ARHGEF6: variants seen among roughly 807,000 people sequenced by gnomAD.
The protein encoded by ARHGEF6 is rho guanine nucleotide exchange factor 6.
A neutral mutation model predicts 70.3 loss-of-function variants in ARHGEF6; 9 were observed. The ratio of observed to expected loss-of-function variants is 0.13; its 90% CI spans 0.08 to 0.22. The LOEUF (loss-of-function observed/expected upper bound fraction) is 0.22. Ranked by LOEUF, ARHGEF6 falls within the 10% of genes least tolerant of loss-of-function variation. The probability of loss-of-function intolerance (pLI) is 1.00; values close to 1 mark genes in which losing one functional copy is unlikely to be tolerated. For missense variants in ARHGEF6, 470 were observed against 563.0 expected, an observed-to-expected ratio of 0.83 and a Z score of 1.67; for synonymous variants, 201 against 207.8, an observed-to-expected ratio of 0.97 and a Z score of 0.28.
chrX:136,742,558 A>G (rs2077054939), intron 5 of ARHGEF6, among the ~76,000 whole-genome samples: 1 of 112,042 alleles, frequency 8.9e-6, no homozygotes, highest in African/African-American at 3.2e-5. Context: ...ATGCTGTTTT[A>G]TGTGTATTGT....
At chrX:136,765,480 G>T (rs995338759) in intron 2 of ARHGEF6, among the ~76,000 whole-genome samples, 2 of 112,027 alleles carry the variant, frequency 1.8e-5, no homozygotes, top group Non-Finnish European at 1.9e-5. Flanking sequence ...GAGGCAGACT[G>T]TAGGTAAATA....
intron 6 of ARHGEF6, among the ~76,000 whole-genome samples, chrX:136,721,780 G>C (rs2076800482): frequency 9.0e-6 from 1 of 111,269 alleles, no homozygotes; most frequent in Non-Finnish European, 1.9e-5. Flanking sequence ...GGCTGGGGAA[G>C]TTGGGGGAGC....
intron 17 of ARHGEF6, 41 bp from the exon 18 acceptor site, chrX:136,676,758 T>C: frequency 3.0e-6 from 3 of 992,685 alleles, no homozygotes; most frequent in Non-Finnish European, 2.9e-6. Context: ...AAATTCTCCC[T>C]CAAAAACAAA....
chrX:136,698,630 A>G (rs1293871685), intron 9 of ARHGEF6, among the ~76,000 whole-genome samples: 1 of 112,137 alleles, frequency 8.9e-6, no homozygotes, highest in African/African-American at 3.2e-5. Flanking sequence ...AAGAAACAGA[A>G]CTGCCAACCA....
At chrX:136,733,019 T>C (rs2076951334) in intron 5 of ARHGEF6, among the ~76,000 whole-genome samples, 1 of 111,597 alleles carries the variant, frequency 9.0e-6, no homozygotes, top group Non-Finnish European at 1.9e-5. Context: ...TTAAGTATAA[T>C]TTTAATATTA....
intron 7 of ARHGEF6, among the ~76,000 whole-genome samples, chrX:136,710,317 A>AT (rs1447705527): frequency 1.2e-5 from 1 of 81,041 alleles, no homozygotes; most frequent in Non-Finnish European, 2.1e-5. Context: ...TAATATATAT[A>AT]TTATATATTA....
At chrX:136,729,009 T>TCC (rs2076900899) in intron 6 of ARHGEF6, among the ~76,000 whole-genome samples, 1 of 42,304 alleles carries the variant, frequency 2.4e-5, no homozygotes, top group Non-Finnish European at 3.8e-5. Flanking sequence ...ATTCTCTCTC[T>TCC]CTCTCTCTCT....
At chrX:136,709,028 A>G (rs2076656933) in intron 7 of ARHGEF6, among the ~76,000 whole-genome samples, 1 of 112,370 alleles carries the variant, frequency 8.9e-6, no homozygotes, top group Non-Finnish European at 1.9e-5. Context: ...GGTAAATTAA[A>G]ACAAGTGCTT....
At chrX:136,674,012 G>A (rs1416038708) in intron 19 of ARHGEF6, among the ~76,000 whole-genome samples, 1 of 111,301 alleles carries the variant, frequency 9.0e-6, no homozygotes, top group Non-Finnish European at 1.9e-5. Context: ...GACTACAGGT[G>A]TGCGCCATCA....
In ARHGEF6 at chrX:136,779,417, C is replaced by T. The variant is rs770756635; in HGVS notation, c.246G>A (p.Val82=). 1 of 1,209,963 alleles carries T rather than the reference C, an allele frequency of 8.3e-7. No individual in the cohort carries two copies. The highest frequency in any genetic ancestry group is 1.8e-5 in the South Asian group (1 of 56,938). The change falls in exon 2 of 22, where the codon GTG becomes GTA. Residue 82 remains valine, a synonymous_variant. Transcript: ENST00000250617. ...DFLKGCATLQ[V]EIFDPDDLYS... is the part of the protein sequence containing the mutation. The stretch of plus-strand genomic sequence containing the variant: ...AAGGCACCCGGGGTAGGCTTACTTC[C>T]ACTTGGAGGGTTGCACATCCTTTCA...
At chrX:136,779,614 C>T (rs1241643982) in intron 1 of ARHGEF6, 117 bp from the exon 2 acceptor site, 5 of 613,811 alleles carry the variant, frequency 8.1e-6, no homozygotes, top group Non-Finnish European at 1.4e-5. Flanking sequence ...GGCAACACTG[C>T]TGTCAATCCA....
At chrX:136,685,936 C>T in intron 11 of ARHGEF6, 113 bp from the exon 12 acceptor site, 1 of 815,359 alleles carries the variant, frequency 1.2e-6, no homozygotes, top group Non-Finnish European at 1.8e-6. Flanking sequence ...GTCCCTATTC[C>T]TCATCATGAA....
At chrX:136,767,139 G>T (rs1163991913) in intron 2 of ARHGEF6, 5 of 753,880 alleles carry the variant, frequency 6.6e-6, no homozygotes, top group African/African-American at 4.6e-5. Flanking sequence ...CCCCAGGCAG[G>T]TCACCTGGCT....
At chrX:136,730,656 TA>T (rs1465866622) in intron 6 of ARHGEF6, among the ~76,000 whole-genome samples, 1 of 112,123 alleles carries the variant, frequency 8.9e-6, no homozygotes, top group African/African-American at 3.2e-5. Context: ...CAGATCTTTA[TA>T]TACTTTGGCA....
rs772210719 is a variant in ARHGEF6 at position 136,687,971 on chromosome X, C to T, written c.1206G>A (p.Gln402=). The change falls in exon 11 of 22, where the codon CAG becomes CAA. Residue 402 remains glutamine, a synonymous_variant. Coordinates refer to ENST00000250617, the MANE Select transcript of ARHGEF6 (RefSeq NM_004840.3). ...RHMEDTHPDH[Q]DILKAIVAFK... ...ATGCTACGATTGCTTTCAGAATATC[C>T]TGATGATCTGGATGAGTATCCTATC... 3 of 1,204,874 alleles carry T rather than the reference C, an allele frequency of 2.5e-6. No homozygotes were observed. The highest frequency in any genetic ancestry group is 3.4e-6 in the Non-Finnish European group (3 of 889,196).
chrX:136,720,505 G>GA (rs765238713), intron 6 of ARHGEF6, among the ~76,000 whole-genome samples: 10 of 99,975 alleles, frequency 1.0e-4, no homozygotes, highest in East Asian at 3.1e-4. Context: ...GAACAGCTAC[G>GA]AAAAAAAAAG....
At chrX:136,705,567 G>A (rs973215989) in intron 9 of ARHGEF6, among the ~76,000 whole-genome samples, 3 of 111,824 alleles carry the variant, frequency 2.7e-5, no homozygotes, top group African/African-American at 6.5e-5. Context: ...CTGTAAAGCA[G>A]AGATGGTAAT....
intron 7 of ARHGEF6, among the ~76,000 whole-genome samples, chrX:136,712,484 A>C (rs1249078034): frequency 1.8e-5 from 2 of 112,316 alleles, no homozygotes; most frequent in Non-Finnish European, 3.8e-5. Context: ...AGCAATAGTA[A>C]ACTCTTTCCA....
chrX:136,675,823 C>G (rs1158454196), intron 18 of ARHGEF6, among the ~76,000 whole-genome samples: 1 of 110,662 alleles, frequency 9.0e-6, no homozygotes, highest in Non-Finnish European at 1.9e-5. Context: ...CCCGGCCAAC[C>G]CCACCCAATT....
Sources: gnomAD v4.1 joint callset for allele counts (sites outside exome capture counted in the v4.1 genomes callset) on GRCh38, gnomAD v4.1.1 for gene constraint, MANE v1.5 for transcripts, NCBI Gene and HGNC (gene_info 2026-07-23, HGNC 2026-07-21) for gene names.